The following SAFB variants were observed in gnomAD, a reference collection of about 807,000 sequenced individuals.
The protein encoded by SAFB is scaffold attachment factor B1.
In SAFB, 15 loss-of-function variants were observed where a neutral mutation model predicts 101.6. The observed-to-expected ratio is 0.15, with a 90% CI of 0.10 to 0.23. The LOEUF (loss-of-function observed/expected upper bound fraction) is 0.23. Ranked by LOEUF, SAFB falls within the 10% of genes least tolerant of loss-of-function variation. The pLI is 1.00. For missense variants in SAFB, 930 were observed against 1,104.1 expected (o/e 0.84, Z 2.23); for synonymous variants, 449 against 407.5 (o/e 1.10, Z -1.23).
intron 2 of SAFB, among the ~76,000 whole-genome samples, chr19:5,627,489 G>A (rs1292818846): frequency 6.6e-6 from 1 of 152,110 alleles, no homozygotes; most frequent in Non-Finnish European, 1.5e-5. Flanking sequence ...GCTTGGACTT[G>A]GAGAAAATAA....
At chr19:5,640,358 C>CTTTTTTT (rs34358887) in intron 2 of SAFB, among the ~76,000 whole-genome samples, 4 of 91,552 alleles carry the variant, frequency 4.4e-5, no homozygotes, top group East Asian at 3.1e-4. Flanking sequence ...GAAAGATTGG[C>CTTTTTTT]TTTTTTTTTT....
rs1307632841 is a variant in SAFB at position 5,663,218 on chromosome 19, G to A, written c.2154-804G>A. Among the ~76,000 whole-genome samples, 4 of 142,050 alleles carry A rather than the reference G, an allele frequency of 2.8e-5. No individual in the cohort carries two copies. In the Admixed American group the frequency reaches 2.8e-4, roughly 10 times the overall value. 93.2% of individuals were successfully genotyped at this position (142,050 alleles called of 152,430 possible). On this transcript the variant is annotated intron_variant, in intron 15 of 20. Transcript: ENST00000588852. Reference sequence around the variant, plus strand: ...CGGGTTTCACCATGTTGGCCAGGCTGTCAAACTCCTGACCTCAGGTGATCC... The same window carrying A: ...CGGGTTTCACCATGTTGGCCAGGCTATCAAACTCCTGACCTCAGGTGATCC...
At chr19:5,656,947 A>G (rs947651340) in intron 13 of SAFB, among the ~76,000 whole-genome samples, 17 of 151,604 alleles carry the variant, frequency 1.1e-4, no homozygotes, top group Non-Finnish European at 2.2e-4. Flanking sequence ...ATTTTTTTGT[A>G]TTTTTAGTAG....
chr19:5,667,071 C>A lies in SAFB; in HGVS notation c.2360C>A (p.Pro787Gln). 6.2e-7 allele frequency: 1 copy of A among 1,611,688 alleles called. No individual in the cohort carries two copies. Among genetic ancestry groups the A allele is most frequent in the Non-Finnish European group, 8.5e-7 (1 of 1,178,408 alleles). Residue 787 changes from proline to glutamine, a missense_variant, in exon 18 of 21, where the codon CCA becomes CAA. By Grantham distance (76) the Pro-to-Gln change is moderately conservative. Around this residue, in one of 7 missense-constraint regions of SAFB, gnomAD observed 318 missense variants for 342.6 expected, o/e 0.93. Transcript: ENST00000588852. This position sits in a 1 kb window ranked among gnomAD's most constrained non-coding sequence, Gnocchi z 4.0. The stretch of plus-strand genomic sequence containing the variant: ...CATTACCCAGAACGCCATGGAGGAC[C>A]AGAGCGCCACGGCCGGGACTCCCGC... The part of the protein sequence containing the change: ...GQHYPERHGG[P>Q]ERHGRDSRDG...
chr19:5,635,566 A>G (rs1374957951), intron 2 of SAFB, among the ~76,000 whole-genome samples: 1 of 152,112 alleles, frequency 6.6e-6, no homozygotes, highest in African/African-American at 2.4e-5. Flanking sequence ...AAAGTTTAAT[A>G]CGTATATTTG....
intron 14 of SAFB, among the ~76,000 whole-genome samples, chr19:5,661,022 A>C (rs1220076153): frequency 8.2e-6 from 1 of 122,498 alleles, no homozygotes; most frequent in African/African-American, 3.2e-5. Context: ...GGCTCCAGTG[A>C]TTTTCCTGCC....
chr19:5,640,112 C>T (rs1190014075), intron 2 of SAFB, among the ~76,000 whole-genome samples: 1 of 152,010 alleles, frequency 6.6e-6, no homozygotes, highest in Non-Finnish European at 1.5e-5. Context: ...CCTCGGCCTC[C>T]CAAGTGCTGG....
chr19:5,641,417 G>A (rs543358331), intron 2 of SAFB, among the ~76,000 whole-genome samples, 177 bp from the exon 3 acceptor site: 29 of 151,828 alleles, frequency 1.9e-4, no homozygotes, highest in African/African-American at 7.0e-4. Flanking sequence ...CTTCTGCTTG[G>A]GGGTGGGGCA....
At chr19:5,651,893 A>T (rs2053947015) in intron 9 of SAFB, among the ~76,000 whole-genome samples, 1 of 152,202 alleles carries the variant, frequency 6.6e-6, no homozygotes, top group Non-Finnish European at 1.5e-5. Context: ...GACTTCGAAG[A>T]ACTTAAAAGA....
intron 13 of SAFB, among the ~76,000 whole-genome samples, chr19:5,654,736 A>G (rs1483441028): frequency 2.0e-5 from 3 of 151,946 alleles, no homozygotes; most frequent in Non-Finnish European, 4.4e-5. Context: ...GGCGCACACC[A>G]TTATCTTTTT....
At chr19:5,650,340 T>C (rs10401899) in intron 8 of SAFB, among the ~76,000 whole-genome samples, 1,897 of 152,276 alleles carry the variant, frequency 0.012, 48 homozygotes, top group African/African-American at 0.043. Context: ...AGAGAAACAG[T>C]GCATTGTTGA....
intron 9 of SAFB, among the ~76,000 whole-genome samples, chr19:5,652,405 C>T (rs2053959389): frequency 6.6e-6 from 1 of 152,136 alleles, no homozygotes; most frequent in Admixed American, 6.6e-5. Flanking sequence ...GTCTTGAGCG[C>T]AGCAGGCCTG....
At chr19:5,629,373 G>A (rs2053439180) in intron 2 of SAFB, among the ~76,000 whole-genome samples, 1 of 152,158 alleles carries the variant, frequency 6.6e-6, no homozygotes, top group South Asian at 2.1e-4. Flanking sequence ...CAAGGCTGCG[G>A]TGAGCCATGA....
chr19:5,649,709 A>C, intron 7 of SAFB: 1 of 814,630 alleles, frequency 1.2e-6, no homozygotes, highest in African/African-American at 1.7e-5. Context: ...TGTGTTCTTA[A>C]ATTCTTCCTA....
Position 5,653,216 on chromosome 19 carries a change from C to T in SAFB, c.1395C>T (p.Asn465=), listed in dbSNP as rs77249033. 1.9e-4 allele frequency: 310 copies of T among 1,614,148 alleles called. No individual in the cohort carries two copies. In the African/African-American group the frequency reaches 3.6e-3, roughly 19 times the overall value. ...CAGAAGAGGCCACAAAATGCATTAA[C>T]CACCTGCACAAGACGGAGCTCCACG... ...STAEEATKCI[N]HLHKTELHGK... The change falls in exon 10 of 21, where the codon AAC becomes AAT. Residue 465 remains asparagine (N), a synonymous_variant. Transcript: ENST00000588852.
intron 15 of SAFB, among the ~76,000 whole-genome samples, chr19:5,662,159 A>G (rs1350004349): frequency 6.6e-6 from 1 of 152,020 alleles, no homozygotes; most frequent in Non-Finnish European, 1.5e-5. Flanking sequence ...TGCTGGGATT[A>G]CAGCTGTGAG....
chr19:5,663,425 C>A (rs2054259643), intron 15 of SAFB, among the ~76,000 whole-genome samples: 2 of 152,250 alleles, frequency 1.3e-5, no homozygotes, highest in African/African-American at 4.8e-5. Context: ...TTTACACGTG[C>A]ACTGCAACCT....
intron 2 of SAFB, among the ~76,000 whole-genome samples, chr19:5,630,887 G>T (rs892234820): frequency 1.3e-5 from 2 of 152,152 alleles, no homozygotes; most frequent in Non-Finnish European, 2.9e-5. Flanking sequence ...GAGGTAGGTA[G>T]GGATGAAAAC....
At chr19:5,642,857 G>A (rs2053752873) in intron 4 of SAFB, among the ~76,000 whole-genome samples, 1 of 151,710 alleles carries the variant, frequency 6.6e-6, no homozygotes, top group East Asian at 1.9e-4. Context: ...TAGTAGAGAC[G>A]GTTTTCACCA....
Sources: gnomAD v4.1 joint callset for allele counts (sites outside exome capture counted in the v4.1 genomes callset) on GRCh38, gnomAD v4.1.1 for gene constraint, gnomAD v4.1.1 regional missense constraint, Gnocchi (gnomAD v3.1) non-coding constraint, MANE v1.5 for transcripts, NCBI Gene and HGNC (gene_info 2026-07-23, HGNC 2026-07-21) for gene names.